The following RBFOX1 variants were observed in gnomAD, a reference collection of about 807,000 sequenced individuals.
RBFOX1 encodes RNA binding fox-1 homolog 1, also known as RNA binding protein fox-1 homolog 1.
RBFOX1 carries 8 observed loss-of-function variants against 57.7 expected under a neutral mutation model. The observed-to-expected ratio is 0.14, with a 90% CI of 0.08 to 0.25. The LOEUF is 0.25. Ranked by LOEUF, RBFOX1 falls within the 10% of genes least tolerant of loss-of-function variation. The probability of loss-of-function intolerance (pLI) is 1.00; values close to 1 mark genes in which losing one functional copy is unlikely to be tolerated. For synonymous variants in RBFOX1, 326 were observed against 222.4 expected (o/e 1.47, Z -4.15); for missense variants, 611 against 548.5 (o/e 1.11, Z -1.14).
rs746681219 is a variant in RBFOX1 at position 5,403,722 on chromosome 16, A to G, written c.220-63494A>G. ...CAGCCTCCCGAAGTGCTGGGGTTAC[A>G]GGCATGAGCCACCACACCCAGCCAA... is the stretch of plus-strand genomic sequence containing the variant. On this transcript the variant is annotated intron_variant, in intron 1 of 2. Transcript: ENST00000585867. 5.0e-4 allele frequency among the ~76,000 whole-genome samples: 76 copies of G among 152,180 alleles called. 1 individual carries two copies. The highest frequency in any genetic ancestry group is 1.1e-3 in the Non-Finnish European group (73 of 68,030).
At chr16:6,073,124 A>C (rs56902830) in intron 1 of RBFOX1, among the ~76,000 whole-genome samples, 1 of 152,310 alleles carries the variant, frequency 6.6e-6, no homozygotes, top group East Asian at 1.9e-4. Flanking sequence ...AATTCTCAGA[A>C]TTAGTTACAT....
chr16:5,858,650 G>C (rs952040100), intron 3 of RBFOX1, among the ~76,000 whole-genome samples: 6 of 152,190 alleles, frequency 3.9e-5, no homozygotes, highest in South Asian at 2.1e-4. Context: ...TTTCATTCCT[G>C]ACAGTGAGAG....
chr16:7,300,420 G>A (rs1188149564), intron 4 of RBFOX1, among the ~76,000 whole-genome samples: 3 of 152,200 alleles, frequency 2.0e-5, no homozygotes, highest in Non-Finnish European at 4.4e-5. Context: ...ATACTTTCAT[G>A]CTCACTTTAA....
At chr16:5,625,350 G>A (rs1332744275) in intron 3 of RBFOX1, among the ~76,000 whole-genome samples, 2 of 152,018 alleles carry the variant, frequency 1.3e-5, no homozygotes, top group Non-Finnish European at 2.9e-5. Context: ...CCACTCTGAT[G>A]CTCACTGCAG....
At chr16:7,280,955 A>C (rs202120526) in intron 4 of RBFOX1, among the ~76,000 whole-genome samples, 4,593 of 87,038 alleles carry the variant, frequency 0.053, 200 homozygotes, top group South Asian at 0.11. Context: ...TTCCCTACCT[A>C]CCTCCCTCCC....
At chr16:6,505,139 C>T (rs906203211) in intron 2 of RBFOX1, among the ~76,000 whole-genome samples, 5 of 152,044 alleles carry the variant, frequency 3.3e-5, no homozygotes, top group African/African-American at 1.2e-4. Flanking sequence ...CTTCACCAGA[C>T]TTGGGGGTTT....
chr16:7,223,766 C>T (rs1456535122), intron 4 of RBFOX1, among the ~76,000 whole-genome samples: 2 of 149,502 alleles, frequency 1.3e-5, no homozygotes, highest in African/African-American at 4.9e-5. Context: ...GGATTTCTGG[C>T]AAAGTTTTGT....
rs562453058 is a variant in RBFOX1 at position 7,093,639 on chromosome 16, G to A, written c.27+41541G>A. Among the ~76,000 whole-genome samples, 8 of 152,268 alleles carry A rather than the reference G, an allele frequency of 5.3e-5. No individual in the cohort carries two copies. The South Asian group carries it at 1.7e-3, about 32-fold the overall frequency. The stretch of plus-strand genomic sequence containing the variant: ...AAAGTTAATGAATGGGAGCTCATTT[G>A]TGACTTACATCTTCCCCCTCTAGCT... On this transcript the variant is annotated intron_variant, in intron 4 of 15. Coordinates refer to ENST00000550418, the MANE Select transcript of RBFOX1 (RefSeq NM_018723.4).
chr16:7,672,242 G>T (rs1388397080), intron 13 of RBFOX1, among the ~76,000 whole-genome samples: 4 of 152,170 alleles, frequency 2.6e-5, no homozygotes, highest in African/African-American at 7.2e-5. Flanking sequence ...ATATTCATTG[G>T]AATGTGGCTG....
Position 7,688,242 on chromosome 16 carries a change from TG to T in RBFOX1, c.995+11405del, listed in dbSNP as rs1598124337. Among the ~76,000 whole-genome samples, 8 of 146,658 alleles carry T rather than the reference TG, an allele frequency of 5.5e-5. No individual in the cohort carries two copies. In the East Asian group the frequency reaches 1.6e-3, roughly 29 times the overall value. On this transcript the variant is annotated intron_variant, in intron 14 of 15. Coordinates refer to ENST00000550418, the MANE Select transcript of RBFOX1 (RefSeq NM_018723.4). ...TTAAATGTGTGTGTGTGTGTGTGTG[TG>T]TGTGTGTGTGTGTGTGTGAGAGAGA...
chr16:7,195,222 T>C (rs2086407897), intron 4 of RBFOX1, among the ~76,000 whole-genome samples: 1 of 152,206 alleles, frequency 6.6e-6, no homozygotes, highest in Non-Finnish European at 1.5e-5. Flanking sequence ...TTTCCCAGAA[T>C]AGCCTTATAT....
intron 1 of RBFOX1, among the ~76,000 whole-genome samples, chr16:6,104,859 T>C (rs2096359541): frequency 1.3e-5 from 2 of 152,208 alleles, no homozygotes; most frequent in Admixed American, 1.3e-4. Flanking sequence ...ATTATGAGAT[T>C]CCTGTTTATG....
chr16:5,881,730 T>A (rs1414363386), intron 4 of RBFOX1, among the ~76,000 whole-genome samples: 4 of 152,026 alleles, frequency 2.6e-5, no homozygotes, highest in Non-Finnish European at 5.9e-5. Flanking sequence ...AGGCTAAAAT[T>A]TTCCCCCCAA....
chr16:5,607,849 C>A (rs1045134299), intron 3 of RBFOX1, among the ~76,000 whole-genome samples: 8 of 152,202 alleles, frequency 5.3e-5, no homozygotes, highest in Non-Finnish European at 4.4e-5. Flanking sequence ...ACCTATGCTA[C>A]TGTATGTACC....
At chr16:6,578,844 C>T (rs1404693970) in intron 2 of RBFOX1, among the ~76,000 whole-genome samples, 3 of 151,588 alleles carry the variant, frequency 2.0e-5, no homozygotes, top group African/African-American at 7.3e-5. Context: ...ATAATCTTTG[C>T]TCGAGGCATA....
chr16:6,739,439 A>G (rs977361519), intron 3 of RBFOX1, among the ~76,000 whole-genome samples: 7 of 152,078 alleles, frequency 4.6e-5, no homozygotes, highest in East Asian at 1.9e-4. Context: ...GAATGACCCT[A>G]TAACTATTAA....
In RBFOX1 at chr16:6,368,908, C is replaced by T. The variant is rs183977473; in HGVS notation, c.-64+51851C>T. On this transcript the variant is annotated intron_variant, in intron 2 of 15. Coordinates refer to ENST00000550418, the MANE Select transcript of RBFOX1 (RefSeq NM_018723.4). ...TGTGGTAAAGTAACGCAGTGGAATA[C>T]TACAGAGCAGTGAAAAATAAACCAG... is the stretch of plus-strand genomic sequence containing the variant. 4.6e-3 allele frequency among the ~76,000 whole-genome samples: 703 copies of T among 152,236 alleles called. 8 individuals are homozygous for T. The highest frequency in any genetic ancestry group is 5.9e-3 in the Admixed American group (91 of 15,298).
At chr16:7,412,373 C>T (rs1428422908) in intron 4 of RBFOX1, among the ~76,000 whole-genome samples, 1 of 147,870 alleles carries the variant, frequency 6.8e-6, no homozygotes, top group African/African-American at 2.5e-5. Context: ...CGAGATCGCA[C>T]CAGTGCACTC....
intron 2 of RBFOX1, among the ~76,000 whole-genome samples, chr16:5,474,310 T>A (rs918602900): frequency 6.6e-6 from 1 of 152,218 alleles, no homozygotes; most frequent in Non-Finnish European, 1.5e-5. Flanking sequence ...CAGAACCTAC[T>A]GAGGGGACTT....
Sources: gnomAD v4.1 joint callset for allele counts (sites outside exome capture counted in the v4.1 genomes callset) on GRCh38, gnomAD v4.1.1 for gene constraint, MANE v1.5 for transcripts, NCBI Gene and HGNC (gene_info 2026-07-23, HGNC 2026-07-21) for gene names.